Variants in RNF32 observed in about 807,000 individuals in gnomAD.
RNF32 encodes the protein ring finger protein 32.
In RNF32, 36 loss-of-function variants were observed where a neutral mutation model predicts 41.0. The observed-to-expected ratio is 0.88, with a 90% CI of 0.67 to 1.16. The LOEUF (loss-of-function observed/expected upper bound fraction) is 1.16. Ranked by LOEUF, RNF32 falls within the 50% of genes most tolerant of loss-of-function variation. RNF32 has a pLI of 0.00. For missense variants in RNF32, 413 were observed against 436.7 expected (o/e 0.95, Z 0.48); for synonymous variants, 154 against 160.9 (o/e 0.96, Z 0.32).
intron 7 of RNF32, among the ~76,000 whole-genome samples, chr7:156,666,250 A>G (rs948979932): frequency 1.3e-5 from 2 of 152,314 alleles, no homozygotes; most frequent in African/African-American, 2.4e-5. Flanking sequence ...TGTTTTTATA[A>G]ATTAATCTAT....
chr7:156,645,146 T>C (rs73741241), intron 3 of RNF32, among the ~76,000 whole-genome samples: 4,483 of 152,312 alleles, frequency 0.029, 210 homozygotes, highest in East Asian at 0.12. Context: ...TCATCAATAC[T>C]GAAATTAGGA....
chr7:156,659,500 T>C, intron 7 of RNF32: 4 of 985,438 alleles, frequency 4.1e-6, no homozygotes, highest in Non-Finnish European at 4.8e-6. Context: ...GTCAGTTGTG[T>C]TCTCTGGGCT....
intron 4 of RNF32, among the ~76,000 whole-genome samples, chr7:156,655,369 G>A (rs944667702): frequency 5.9e-5 from 9 of 152,096 alleles, no homozygotes; most frequent in Non-Finnish European, 1.3e-4. Context: ...ATTGTCCCCT[G>A]AAGTTGGGGA....
At chr7:156,674,671 C>T (rs937101256) in intron 7 of RNF32, among the ~76,000 whole-genome samples, 5 of 152,060 alleles carry the variant, frequency 3.3e-5, no homozygotes, top group African/African-American at 1.2e-4. Context: ...GAGATGCTGT[C>T]TCCACCAAAC....
intron 7 of RNF32, among the ~76,000 whole-genome samples, chr7:156,661,977 T>C (rs1175341864): frequency 6.6e-6 from 1 of 152,230 alleles, no homozygotes; most frequent in East Asian, 1.9e-4. Context: ...TACTCATAAT[T>C]TGTTACATGA....
chr7:156,659,999 T>C, intron 7 of RNF32: 1 of 985,478 alleles, frequency 1.0e-6, no homozygotes, highest in Non-Finnish European at 1.2e-6. Context: ...TTCATAGCTC[T>C]GTCCCACTGG....
chr7:156,643,478 G>A (rs1171368578), intron 1 of RNF32, among the ~76,000 whole-genome samples: 1 of 152,080 alleles, frequency 6.6e-6, no homozygotes, highest in Non-Finnish European at 1.5e-5. Flanking sequence ...GTTTTTCCAA[G>A]TCTCCAGTGT....
In RNF32 at chr7:156,644,720, A is replaced by G; in HGVS notation, c.237A>G (p.Glu79=). The change falls in exon 3 of 9, where the codon GAA becomes GAG. Residue 79 remains glutamate (E), a synonymous_variant. Coordinates refer to ENST00000317955, the MANE Select transcript of RNF32 (RefSeq NM_030936.4). ...CCAAACTAGAAGACTCAGAAAAAGA[A>G]TATGTTCTTGATCCCAAACCGCCGC... ...QCPKLEDSEK[E]YVLDPKPPPL... The G allele has an allele frequency of 6.2e-7, 1 of 1,611,644 alleles. No homozygotes were observed. Among genetic ancestry groups the G allele is most frequent in the Non-Finnish European group, 8.5e-7 (1 of 1,179,622 alleles).
intron 4 of RNF32, among the ~76,000 whole-genome samples, chr7:156,655,855 C>G (rs898173821): frequency 1.3e-5 from 2 of 152,188 alleles, no homozygotes; most frequent in Admixed American, 1.3e-4. Flanking sequence ...CACCCTCTTT[C>G]TTACTTATAC....
At chr7:156,647,493 T>A (rs1223087347) in intron 3 of RNF32, among the ~76,000 whole-genome samples, 1 of 152,224 alleles carries the variant, frequency 6.6e-6, no homozygotes, top group Non-Finnish European at 1.5e-5. Context: ...CCATCCAAGC[T>A]GCTGCAAAGG....
chr7:156,661,938 G>GCA (rs1800727068), intron 7 of RNF32, among the ~76,000 whole-genome samples: 1 of 152,014 alleles, frequency 6.6e-6, no homozygotes, highest in Non-Finnish European at 1.5e-5. Context: ...ATACATATAC[G>GCA]CACACACACT....
At chr7:156,672,306 C>CA (rs913730796) in intron 7 of RNF32, among the ~76,000 whole-genome samples, 1 of 152,086 alleles carries the variant, frequency 6.6e-6, no homozygotes, top group African/African-American at 2.4e-5. Flanking sequence ...ACGACAGGTG[C>CA]AAAACCCTTT....
chr7:156,675,032 G>A (rs574767049), intron 7 of RNF32, among the ~76,000 whole-genome samples: 77 of 152,300 alleles, frequency 5.1e-4, no homozygotes, highest in African/African-American at 1.7e-3. Context: ...TAAGCTTAAC[G>A]AGAAAATTAC....
At chr7:156,650,890 T>G (rs1209903166) in intron 3 of RNF32, among the ~76,000 whole-genome samples, 2 of 152,186 alleles carry the variant, frequency 1.3e-5, no homozygotes, top group Non-Finnish European at 2.9e-5. Flanking sequence ...CTGCACATCC[T>G]TTTCCTCCAT....
Position 156,669,889 on chromosome 7 carries a change from G to A in RNF32, c.685-5807G>A, listed in dbSNP as rs991325997. 2.0e-5 allele frequency among the ~76,000 whole-genome samples: 3 copies of A among 152,196 alleles called. No individual in the cohort carries two copies. The highest frequency in any genetic ancestry group is 7.2e-5 in the African/African-American group (3 of 41,472). The stretch of plus-strand genomic sequence containing the variant: ...GGGGACTCTGTTCCAGGTGACAGGA[G>A]GGCGGGCGGTCATGGCCTAGTGCCA... On this transcript the variant is annotated intron_variant, in intron 7 of 8. Transcript: ENST00000317955. This position sits in a 1 kb window ranked among gnomAD's most constrained non-coding sequence, Gnocchi z 4.2.
chr7:156,646,505 TAAC>T, intron 3 of RNF32: 29 of 1,296,602 alleles, frequency 2.2e-5, no homozygotes, highest in Non-Finnish European at 2.9e-5. Flanking sequence ...GACCTCATCT[TAAC>T]TACATCTGCA....
intron 2 of RNF32, 105 bp from the exon 3 acceptor site, chr7:156,644,394 T>G: frequency 1.2e-6 from 1 of 837,956 alleles, no homozygotes; most frequent in East Asian, 2.5e-5. Flanking sequence ...TACTATTTGA[T>G]TTGGTTGTAT....
rs372759103 is a variant in RNF32 at position 156,654,229 on chromosome 7, CAATAT to C, written c.275-342_275-338del. On this transcript the variant is annotated intron_variant, in intron 3 of 8. Coordinates refer to ENST00000317955, the MANE Select transcript of RNF32 (RefSeq NM_030936.4). ...AAATGAATAAAAAATAACAATACAA[CAATAT>C]AATAAAAATAATACAGATTAAAAAC... The C allele has an allele frequency of 5.7e-3, 906 of 160,110 alleles. 9 individuals carry two copies. The highest frequency in any genetic ancestry group is 0.015 in the Middle Eastern group (5 of 334). The allele number at this position is 160,110 out of a possible 1,614,324, so 9.9% of individuals were successfully genotyped here. A position where few individuals can be genotyped will look rare whatever the true frequency, so the allele number is the denominator to read the frequency against.
At chr7:156,657,412 C>A in intron 4 of RNF32, 129 bp from the exon 5 acceptor site, 2 of 841,810 alleles carry the variant, frequency 2.4e-6, no homozygotes, top group Admixed American at 1.9e-5. Flanking sequence ...GTATAAATAT[C>A]AAAGTTATTA....
Sources: allele counts gnomAD v4.1 joint callset (sites outside exome capture counted in the v4.1 genomes callset), GRCh38; gene constraint gnomAD v4.1.1; non-coding constraint Gnocchi (gnomAD v3.1); transcripts MANE v1.5; gene names NCBI Gene and HGNC (gene_info 2026-07-23, HGNC 2026-07-21).